Variants in CFAP97D2 observed in about 807,000 individuals in gnomAD.
The protein encoded by CFAP97D2 is uncharacterized protein CFAP97D2.
At chr13:114,216,625 CT>C (rs1340470566) in intron 4 of CFAP97D2, among the ~76,000 whole-genome samples, 3 of 152,124 alleles carry the variant, frequency 2.0e-5, no homozygotes, top group Non-Finnish European at 2.9e-5. Flanking sequence ...TGAACTCATC[CT>C]TTTTTATGGC....
intron 3 of CFAP97D2, among the ~76,000 whole-genome samples, chr13:114,206,548 A>C (rs565543541): frequency 1.1e-4 from 16 of 152,348 alleles, no homozygotes; most frequent in African/African-American, 3.8e-4. Flanking sequence ...AACTTTGAAA[A>C]CATGCTAAGT....
rs993883994 is a variant in CFAP97D2 at position 114,187,049 on chromosome 13, C to A, written c.90+7629C>A. On this transcript the variant is annotated intron_variant, in intron 1 of 4. Coordinates refer to ENST00000646158, the Ensembl canonical transcript of CFAP97D2. The surrounding 1 kb of genome is among the most constrained non-coding windows in gnomAD (Gnocchi z 4.2). ...TGATAAGGAACAGGAGAGAGGTATT[C>A]AGATTATTTTGTAATATAAGTTACT... Among the ~76,000 whole-genome samples, 5 of 152,306 alleles carry A rather than the reference C, an allele frequency of 3.3e-5. No individual in the cohort carries two copies. The highest frequency in any genetic ancestry group is 1.2e-4 in the African/African-American group (5 of 41,562).
chr13:114,198,706 CTGAGGGGTGA>C, intron 2 of CFAP97D2, among the ~76,000 whole-genome samples: 1 of 95,764 alleles, frequency 1.0e-5, no homozygotes, highest in Non-Finnish European at 2.0e-5. Flanking sequence ...ACGGTCCCCG[CTGAGGGGTGA>C]CGGCGCGTCC....
chr13:114,195,206 C>G (rs1268981553), intron 1 of CFAP97D2, among the ~76,000 whole-genome samples: 1 of 152,244 alleles, frequency 6.6e-6, no homozygotes, highest in African/African-American at 2.4e-5. Flanking sequence ...GGCTTCTCTT[C>G]GTTCACACGT....
intron 3 of CFAP97D2, among the ~76,000 whole-genome samples, chr13:114,208,746 T>C (rs1325124360): frequency 6.6e-6 from 1 of 152,238 alleles, no homozygotes; most frequent in African/African-American, 2.4e-5. Flanking sequence ...TCCATGGTTT[T>C]CTGGACTATG....
intron 3 of CFAP97D2, among the ~76,000 whole-genome samples, chr13:114,205,952 C>T (rs911278726): frequency 1.3e-5 from 2 of 152,168 alleles, no homozygotes; most frequent in Admixed American, 6.5e-5. Flanking sequence ...GGAGGCCCTT[C>T]GACTAGAAGC....
intron 3 of CFAP97D2, among the ~76,000 whole-genome samples, chr13:114,202,523 C>A (rs1051869575): frequency 6.6e-6 from 1 of 152,350 alleles, no homozygotes; most frequent in Non-Finnish European, 1.5e-5. Flanking sequence ...GGTATATGAG[C>A]TAAAACCTGC....
At position 114,189,250 on chromosome 13, in the gene CFAP97D2, A is replaced by C. The variant is rs9525296; in HGVS notation, c.91-7146A>C. Reference sequence around the variant, plus strand: ...TTTGATAACCTAAATGAAAAGGGCCAATTTCTTCAAAGGTTCAATCTGCCA... The same window carrying C: ...TTTGATAACCTAAATGAAAAGGGCCCATTTCTTCAAAGGTTCAATCTGCCA... On this transcript the variant is annotated intron_variant, in intron 1 of 4. Transcript: ENST00000646158. This position sits in a 1 kb window ranked among gnomAD's most constrained non-coding sequence, Gnocchi z 4.5. Among the ~76,000 whole-genome samples, 519 of 152,280 alleles carry C rather than the reference A, an allele frequency of 3.4e-3. 4 individuals carry two copies. The highest frequency in any genetic ancestry group is 5.9e-3 in the Non-Finnish European group (401 of 68,016).
rs973459736 is a variant in CFAP97D2 at position 114,185,398 on chromosome 13, C to T, written c.90+5978C>T. 6.6e-6 allele frequency among the ~76,000 whole-genome samples: 1 copy of T among 152,182 alleles called. No individual in the cohort carries two copies. The highest frequency in any genetic ancestry group is 2.4e-5 in the African/African-American group (1 of 41,432). ...CAGTGGGGACCTGGAACCCCCACCC[C>T]GGCTGTGAGGAGGCATGGCCAGGGC... is the stretch of plus-strand genomic sequence containing the variant. On this transcript the variant is annotated intron_variant, in intron 1 of 4. Transcript: ENST00000646158. The surrounding 1 kb of genome is among the most constrained non-coding windows in gnomAD (Gnocchi z 5.2).
upstream of CFAP97D2, chr13:114,179,262 G>A (rs1270487734): frequency 3.8e-5 from 15 of 398,268 alleles, no homozygotes; most frequent in East Asian, 1.8e-4. This position sits in a 1 kb window ranked among gnomAD's most constrained non-coding sequence, Gnocchi z 4.8. Context: ...CAAACACAGC[G>A]TCTCCAGGTC....
intron 1 of CFAP97D2, among the ~76,000 whole-genome samples, chr13:114,181,234 G>A (rs2080831026): frequency 1.3e-5 from 2 of 152,186 alleles, no homozygotes; most frequent in Admixed American, 1.3e-4. Context: ...AACTGCTGTT[G>A]GGCACAGCTG....
At chr13:114,194,644 G>A (rs1566612741) in intron 1 of CFAP97D2, among the ~76,000 whole-genome samples, 1 of 152,076 alleles carries the variant, frequency 6.6e-6, no homozygotes, top group Non-Finnish European at 1.5e-5. Context: ...TCTTTACAAT[G>A]ATGGTTACAA....
chr13:114,190,631 T>G (rs189297775), intron 1 of CFAP97D2, among the ~76,000 whole-genome samples: 1 of 152,274 alleles, frequency 6.6e-6, no homozygotes, highest in Non-Finnish European at 1.5e-5. Flanking sequence ...CTCTGATAAA[T>G]GTAAATAAAT....
chr13:114,220,636 T>G (rs2138792730), intron 4 of CFAP97D2, among the ~76,000 whole-genome samples: 1 of 152,346 alleles, frequency 6.6e-6, no homozygotes, highest in African/African-American at 2.4e-5. Context: ...CCCAGCTAAC[T>G]GGAAGTATGC....
At chr13:114,195,468 C>T (rs1353066695) in intron 1 of CFAP97D2, among the ~76,000 whole-genome samples, 1 of 152,148 alleles carries the variant, frequency 6.6e-6, no homozygotes, top group Non-Finnish European at 1.5e-5. Context: ...GGGTTTCTTC[C>T]TCCACTGGGG....
chr13:114,184,218 G>A (rs569580323), intron 1 of CFAP97D2, among the ~76,000 whole-genome samples: 1 of 152,300 alleles, frequency 6.6e-6, no homozygotes, highest in South Asian at 2.1e-4. Context: ...TCTGAATAAA[G>A]CAGAAAAGGC....
Position 114,183,152 on chromosome 13 carries a change from C to T in CFAP97D2, c.90+3732C>T, listed in dbSNP as rs542309015. 7.9e-5 allele frequency among the ~76,000 whole-genome samples: 12 copies of T among 151,478 alleles called. No individual in the cohort carries two copies. In the East Asian group the frequency reaches 2.4e-3, roughly 30 times the overall value. On this transcript the variant is annotated intron_variant, in intron 1 of 4. Transcript: ENST00000646158. ...CATTTCTGCCACTACAACAAGATAT[C>T]ACAGATTGTCATTATTTATTTATTT...
At chr13:114,221,420 CA>C (rs2081021678) in intron 4 of CFAP97D2, among the ~76,000 whole-genome samples, 1 of 152,154 alleles carries the variant, frequency 6.6e-6, no homozygotes, top group Non-Finnish European at 1.5e-5. Flanking sequence ...TGTTTAACAA[CA>C]AAACTGACAA....
In CFAP97D2 at chr13:114,185,393, C is replaced by T. The variant is rs1014903363; in HGVS notation, c.90+5973C>T. 1.3e-4 allele frequency among the ~76,000 whole-genome samples: 20 copies of T among 152,192 alleles called. No homozygotes were observed. The highest frequency in any genetic ancestry group is 9.2e-4 in the Admixed American group (14 of 15,282). The stretch of plus-strand genomic sequence containing the variant: ...GGGCCCAGTGGGGACCTGGAACCCC[C>T]ACCCCGGCTGTGAGGAGGCATGGCC... On this transcript the variant is annotated intron_variant, in intron 1 of 4. Transcript: ENST00000646158. The surrounding 1 kb of genome is among the most constrained non-coding windows in gnomAD (Gnocchi z 5.2).
Sources: gnomAD v4.1 joint callset for allele counts (sites outside exome capture counted in the v4.1 genomes callset) on GRCh38, gnomAD v4.1.1 for gene constraint, Gnocchi (gnomAD v3.1) non-coding constraint, MANE v1.5 for transcripts, NCBI Gene and HGNC (gene_info 2026-07-23, HGNC 2026-07-21) for gene names.